DNAJA1: variants seen among roughly 807,000 people sequenced by gnomAD.
The protein encoded by DNAJA1 is dnaJ homolog subfamily A member 1.
A neutral mutation model predicts 47.6 loss-of-function variants in DNAJA1; 26 were observed. The observed-to-expected ratio is 0.55, with a 90% CI of 0.40 to 0.76. The LOEUF is 0.76. DNAJA1 is among the 30% of genes least tolerant of loss of function. The pLI is 0.00. For synonymous variants in DNAJA1, 165 were observed against 158.4 expected, an observed-to-expected ratio of 1.04 and a Z score of -0.31; for missense variants, 315 against 485.0, an observed-to-expected ratio of 0.65 and a Z score of 3.29.
At position 33,033,802 on chromosome 9, in the gene DNAJA1, T is replaced by C. The variant is rs567788972; in HGVS notation, c.644-414T>C. Reference sequence around the variant, plus strand: ...TTAATAGAAGTAATTTGATGTGTTATAAGTAATGAAACTGAAATACTTAAT... The same window carrying C: ...TTAATAGAAGTAATTTGATGTGTTACAAGTAATGAAACTGAAATACTTAAT... On this transcript the variant is annotated intron_variant, in intron 5 of 8. Transcript: ENST00000330899. 8.5e-5 allele frequency among the ~76,000 whole-genome samples: 13 copies of C among 152,350 alleles called. No individual in the cohort carries two copies. The South Asian group carries it at 1.0e-3, about 12-fold the overall frequency.
At chr9:33,029,321 A>G (rs1176704407) in intron 3 of DNAJA1, among the ~76,000 whole-genome samples, 1 of 152,232 alleles carries the variant, frequency 6.6e-6, no homozygotes, top group Non-Finnish European at 1.5e-5. Context: ...CCTTCAAAAC[A>G]ACCAGTGCTG....
rs754180020 is a variant in DNAJA1 at position 33,030,597 on chromosome 9, T to C, written c.573T>C (p.Asp191=). 3 of 1,613,986 alleles carry C rather than the reference T, an allele frequency of 1.9e-6. No individual in the cohort carries two copies. Among genetic ancestry groups the C allele is most frequent in the Admixed American group, 1.7e-5 (1 of 59,996 alleles). The change falls in exon 5 of 9, where the codon GAT becomes GAC. Residue 191 remains aspartate, a synonymous_variant. Transcript: ENST00000330899. The stretch of plus-strand genomic sequence containing the variant: ...ATGGGGAGCGGATCAGTCCTAAAGA[T>C]AGATGTAAAAGCTGCAACGGAAGGA... ...QGHGERISPK[D]RCKSCNGRKI...
At chr9:33,027,718 T>G (rs567505840) in intron 3 of DNAJA1, among the ~76,000 whole-genome samples, 127 of 151,892 alleles carry the variant, frequency 8.4e-4, no homozygotes, top group Middle Eastern at 3.4e-3. Flanking sequence ...GGCGTGGTGG[T>G]GGGCATCTGC....
chr9:33,028,096 C>T (rs1266590851), intron 3 of DNAJA1, among the ~76,000 whole-genome samples: 1 of 146,940 alleles, frequency 6.8e-6, no homozygotes, highest in Non-Finnish European at 1.5e-5. Context: ...TTTTACAGAT[C>T]TTATTTGGTG....
chr9:33,038,577 A>T, intron 8 of DNAJA1, 108 bp from the exon 9 acceptor site: 1 of 975,374 alleles, frequency 1.0e-6, no homozygotes, highest in Non-Finnish European at 1.5e-6. Flanking sequence ...TGGCAGATTC[A>T]CCTAAATATT....
In DNAJA1 at chr9:33,030,503, T is replaced by G; in HGVS notation, c.479T>G (p.Ile160Arg). ...CPNCRGTGMQIRIHQIGPGMV... is the reference protein window; with the variant it reads ...CPNCRGTGMQRRIHQIGPGMV... The stretch of plus-strand genomic sequence containing the variant: ...AATTGCCGAGGTACTGGAATGCAAA[T>G]AAGAATTCATCAGATAGGACCTGGA... Residue 160 changes from isoleucine (I) to arginine (R), a missense_variant, in exon 5 of 9, where the codon ATA becomes AGA. Ile to Arg is a moderately conservative substitution (Grantham distance 97). Coordinates refer to ENST00000330899, the MANE Select transcript of DNAJA1 (RefSeq NM_001539.4). 1 of 1,614,018 alleles carries G rather than the reference T, an allele frequency of 6.2e-7. No homozygotes were observed. Among genetic ancestry groups the G allele is most frequent in the Non-Finnish European group, 8.5e-7 (1 of 1,180,002 alleles).
chr9:33,030,771 T>G, intron 5 of DNAJA1, 104 bp downstream of exon 5: 1 of 991,838 alleles, frequency 1.0e-6, no homozygotes, highest in South Asian at 1.7e-5. Context: ...TTATATATGA[T>G]CCTATCAATC....
intron 3 of DNAJA1, among the ~76,000 whole-genome samples, 193 bp downstream of exon 3, chr9:33,027,183 T>C (rs1310621587): frequency 6.7e-6 from 1 of 150,110 alleles, no homozygotes; most frequent in African/African-American, 2.5e-5. Context: ...GAGACGGAGT[T>C]TCCCTCTTAT....
chr9:33,034,202 T>C lies in DNAJA1; in HGVS notation c.644-14T>C. ...ATATTTAATAAAAGTACAAAATTAA[T>C]GTTTTGTTTTTAGGCATGAAAGATG... On this transcript the variant is annotated splice_polypyrimidine_tract_variant and intron_variant, in intron 5 of 8. Coordinates refer to ENST00000330899, the MANE Select transcript of DNAJA1 (RefSeq NM_001539.4). 2.0e-6 allele frequency: 3 copies of C among 1,528,674 alleles called. No individual in the cohort carries two copies. Among genetic ancestry groups the C allele is most frequent in the South Asian group, 2.4e-5 (2 of 82,520 alleles). 94.7% of individuals were successfully genotyped at this position (1,528,674 alleles called of 1,614,324 possible).
chr9:33,033,027 A>T (rs1838983397), intron 5 of DNAJA1, among the ~76,000 whole-genome samples: 1 of 152,118 alleles, frequency 6.6e-6, no homozygotes, highest in Admixed American at 6.5e-5. Context: ...CTTGGGAAAT[A>T]ATCAGGAGAT....
chr9:33,036,299 A>T, intron 6 of DNAJA1: 1 of 172,766 alleles, frequency 5.8e-6, no homozygotes, highest in Non-Finnish European at 1.2e-5. Context: ...AACCAGATTT[A>T]AAACTAGGTA....
intron 5 of DNAJA1, among the ~76,000 whole-genome samples, chr9:33,031,259 G>A (rs1234474649): frequency 6.6e-6 from 1 of 152,132 alleles, no homozygotes; most frequent in Non-Finnish European, 1.5e-5. Context: ...ACCATGCCCG[G>A]CTAATGTTTT....
chr9:33,030,031 C>T (rs1259494859), intron 4 of DNAJA1, 42 bp downstream of exon 4: 1 of 1,550,522 alleles, frequency 6.4e-7, no homozygotes. Flanking sequence ...TTTTTAAGCA[C>T]CTTTAATATG....
chr9:33,028,567 C>T (rs555778360), intron 3 of DNAJA1, among the ~76,000 whole-genome samples: 2 of 152,242 alleles, frequency 1.3e-5, no homozygotes, highest in Admixed American at 6.5e-5. Flanking sequence ...TACTTAAACT[C>T]CTTAAAAAGA....
At chr9:33,026,401 G>T (rs928335003) in intron 1 of DNAJA1, 74 bp from the exon 2 acceptor site, 20 of 1,503,358 alleles carry the variant, frequency 1.3e-5, no homozygotes, top group Non-Finnish European at 1.8e-5. Context: ...CAAAGAGATT[G>T]CTCGGCCTTA....
intron 4 of DNAJA1, 125 bp downstream of exon 4, chr9:33,030,114 GGGA>G (rs1838937567): frequency 2.2e-6 from 2 of 894,660 alleles, no homozygotes. Flanking sequence ...TAGATTTTGG[GGGA>G]GGAGAGGGCA....
intron 1 of DNAJA1, among the ~76,000 whole-genome samples, chr9:33,026,159 A>C (rs1040002944): frequency 2.0e-5 from 3 of 152,206 alleles, no homozygotes; most frequent in African/African-American, 7.2e-5. Flanking sequence ...TTTGGTTACA[A>C]CTGTCACCGC....
At chr9:33,030,252 T>C (rs1349248914) in intron 4 of DNAJA1, among the ~76,000 whole-genome samples, 188 bp from the exon 5 acceptor site, 3 of 152,192 alleles carry the variant, frequency 2.0e-5, no homozygotes, top group African/African-American at 4.8e-5. Context: ...GTAAAATTTA[T>C]TGGAAAGTGT....
intron 1 of DNAJA1, among the ~76,000 whole-genome samples, chr9:33,025,677 C>G (rs1838806401): frequency 6.7e-6 from 1 of 148,722 alleles, no homozygotes; most frequent in African/African-American, 2.5e-5. Context: ...GGCCCCCCTC[C>G]CCGTCCGTGC....
Sources: allele counts gnomAD v4.1 joint callset (sites outside exome capture counted in the v4.1 genomes callset), GRCh38; gene constraint gnomAD v4.1.1; transcripts MANE v1.5; gene names NCBI Gene and HGNC (gene_info 2026-07-23, HGNC 2026-07-21).